ROBO2: variants seen among roughly 807,000 people sequenced by gnomAD.
ROBO2 encodes the protein roundabout homolog 2.
Under a neutral mutation model 160.8 loss-of-function variants are expected in ROBO2, and 53 were observed. That is an observed-to-expected ratio of 0.33 (90% CI 0.26 to 0.41). The LOEUF (loss-of-function observed/expected upper bound fraction) is 0.41. ROBO2 is among the 10% of genes least tolerant of loss of function. ROBO2 has a pLI of 1.00. For synonymous variants in ROBO2, 664 were observed against 611.7 expected, an observed-to-expected ratio of 1.09 and a Z score of -1.26; for missense variants, 1,577 against 1,722.4, an observed-to-expected ratio of 0.92 and a Z score of 1.49.
chr3:77,154,588 G>A (rs927290885), intron 2 of ROBO2, among the ~76,000 whole-genome samples: 2 of 152,006 alleles, frequency 1.3e-5, no homozygotes, highest in Non-Finnish European at 2.9e-5. Context: ...CATCACAACA[G>A]TATTCACAAT....
intron 2 of ROBO2, among the ~76,000 whole-genome samples, chr3:76,611,531 T>C (rs2088125356): frequency 1.3e-5 from 2 of 152,240 alleles, no homozygotes; most frequent in East Asian, 1.9e-4. Context: ...TAACAATTTC[T>C]TCTAGGTTTT....
intron 2 of ROBO2, among the ~76,000 whole-genome samples, chr3:75,971,676 G>C (rs1559794383): frequency 6.6e-6 from 1 of 151,202 alleles, no homozygotes; most frequent in Non-Finnish European, 1.5e-5. Context: ...CTATAACTTT[G>C]AAAAAATTTT....
chr3:76,214,893 C>G (rs188930276), intron 2 of ROBO2, among the ~76,000 whole-genome samples: 2 of 152,338 alleles, frequency 1.3e-5, no homozygotes, highest in Admixed American at 6.5e-5. Flanking sequence ...CCCGAGTAGC[C>G]TAACTGGGAG....
chr3:76,963,933 C>T (rs1364919978), intron 2 of ROBO2, among the ~76,000 whole-genome samples: 1 of 151,846 alleles, frequency 6.6e-6, no homozygotes, highest in African/African-American at 2.4e-5. Context: ...GGTTTAGTTT[C>T]TGTCCCAGTT....
chr3:76,761,423 T>C (rs1373079070), intron 2 of ROBO2, among the ~76,000 whole-genome samples: 1 of 151,708 alleles, frequency 6.6e-6, no homozygotes, highest in East Asian at 2.0e-4. Context: ...CGCCATCCTG[T>C]TGTGTGATTA....
At chr3:76,146,424 C>T (rs2071890740) in intron 2 of ROBO2, among the ~76,000 whole-genome samples, 1 of 151,850 alleles carries the variant, frequency 6.6e-6, no homozygotes, top group African/African-American at 2.4e-5. Flanking sequence ...ATACTTCCTG[C>T]TCTGAACAAA....
intron 2 of ROBO2, among the ~76,000 whole-genome samples, chr3:76,326,753 A>G (rs375847628): frequency 1.7e-3 from 238 of 138,882 alleles, no homozygotes; most frequent in Middle Eastern, 7.0e-3. Flanking sequence ...ATATCTCCCA[A>G]TGCTATCCCT....
chr3:76,296,734 G>A (rs1413030900), intron 2 of ROBO2, among the ~76,000 whole-genome samples: 1 of 152,050 alleles, frequency 6.6e-6, no homozygotes, highest in Non-Finnish European at 1.5e-5. Context: ...GTCACTCTTC[G>A]GGGAACTGCA....
At chr3:76,397,006 T>G (rs993171839) in intron 2 of ROBO2, among the ~76,000 whole-genome samples, 2 of 151,926 alleles carry the variant, frequency 1.3e-5, no homozygotes, top group African/African-American at 2.4e-5. Context: ...AAAAGAGCCT[T>G]CATCGCCAAG....
At chr3:76,028,381 T>A (rs953960773) in intron 2 of ROBO2, among the ~76,000 whole-genome samples, 5 of 151,930 alleles carry the variant, frequency 3.3e-5, no homozygotes, top group African/African-American at 1.2e-4. Context: ...AAGAGTTATA[T>A]AACCTTTTTA....
Position 77,477,686 on chromosome 3 carries a change from C to T in ROBO2, c.546+115C>T, listed in dbSNP as rs144360740. 9.5e-4 allele frequency: 1,023 copies of T among 1,076,430 alleles called. 14 individuals are homozygous for T. In the Admixed American group the frequency reaches 0.02, roughly 21 times the overall value. The allele number at this position is 1,076,430 out of a possible 1,614,324, so 66.7% of individuals were successfully genotyped here. A position where few individuals can be genotyped will look rare whatever the true frequency, so the allele number is the denominator to read the frequency against. On this transcript the variant is annotated intron_variant, in intron 3 of 25. Coordinates refer to ENST00000461745, the Ensembl canonical transcript of ROBO2. ...TACAATTGTATTTGAATGTTAATTA[C>T]AATTTATACTGCCTTGAAAAGATTT...
At chr3:75,965,811 A>C (rs568611437) in intron 2 of ROBO2, among the ~76,000 whole-genome samples, 1 of 151,764 alleles carries the variant, frequency 6.6e-6, no homozygotes, top group East Asian at 2.0e-4. Flanking sequence ...TCAATTTCCC[A>C]GAACTCTAAT....
intron 2 of ROBO2, among the ~76,000 whole-genome samples, chr3:77,133,664 C>T (rs957899141): frequency 1.4e-5 from 2 of 147,612 alleles, no homozygotes; most frequent in East Asian, 3.9e-4. Context: ...TGAAAATTCA[C>T]CCTGTAATTT....
intron 2 of ROBO2, among the ~76,000 whole-genome samples, chr3:76,221,450 A>C (rs1200751321): frequency 6.6e-6 from 1 of 151,770 alleles, no homozygotes; most frequent in Admixed American, 6.6e-5. Flanking sequence ...GACGGTGAGC[A>C]GTGCCACTCT....
chr3:77,272,750 T>C (rs1354129155), intron 2 of ROBO2, among the ~76,000 whole-genome samples: 1 of 152,192 alleles, frequency 6.6e-6, no homozygotes, highest in Non-Finnish European at 1.5e-5. Flanking sequence ...ATTGTAATTA[T>C]GCCATAGTTT....
In ROBO2 at chr3:76,554,398, C is replaced by T. The variant is rs960239766; in HGVS notation, c.110-543616C>T. On this transcript the variant is annotated intron_variant, in intron 2 of 26. Coordinates refer to the ROBO2 transcript ENST00000487694. ...TTTGGGCTTTTTTTGGTTGTTTACG[C>T]TTTTTTGTTTAACATGAATGTATGT... Among the ~76,000 whole-genome samples the T allele has an allele frequency of 9.2e-5, 14 of 152,074 alleles. No individual in the cohort carries two copies. The East Asian group carries it at 2.7e-3, about 29-fold the overall frequency.
intron 2 of ROBO2, among the ~76,000 whole-genome samples, chr3:76,531,978 G>C (rs947423569): frequency 1.3e-5 from 2 of 152,134 alleles, no homozygotes; most frequent in African/African-American, 4.8e-5. Context: ...TGTCTGGTAA[G>C]AGTTTAGGCA....
At chr3:77,614,506 A>C (rs1202420969) in intron 21 of ROBO2, among the ~76,000 whole-genome samples, 1 of 152,184 alleles carries the variant, frequency 6.6e-6, no homozygotes, top group African/African-American at 2.4e-5. Context: ...GTAGATATTT[A>C]GGAGGAAATA....
chr3:76,963,836 CAAAAAAA>C lies in ROBO2; in HGVS notation c.110-134171_110-134165del, dbSNP rs11407644. On this transcript the variant is annotated intron_variant, in intron 2 of 26. Transcript: ENST00000487694. Reference sequence around the variant, plus strand: ...TGAGCTGAAATTCTATGAGGAACTGCAAAAAAAAAAAAAGAAAAAAAAGAAAAAAGAA... The same window carrying C: ...TGAGCTGAAATTCTATGAGGAACTGCAAAAAAGAAAAAAAAGAAAAAAGAA... Among the ~76,000 whole-genome samples, 16 of 106,226 alleles carry C rather than the reference CAAAAAAA, an allele frequency of 1.5e-4. No individual in the cohort carries two copies. The South Asian group carries it at 4.7e-3, about 31-fold the overall frequency. 69.7% of individuals were successfully genotyped at this position (106,226 alleles called of 152,430 possible).
Sources: allele counts gnomAD v4.1 joint callset (sites outside exome capture counted in the v4.1 genomes callset), GRCh38; gene constraint gnomAD v4.1.1; transcripts MANE v1.5; gene names NCBI Gene and HGNC (gene_info 2026-07-23, HGNC 2026-07-21).